Variants in EEF1AKMT1 observed in about 807,000 individuals in gnomAD.
The protein encoded by EEF1AKMT1 is EEF1A lysine methyltransferase 1.
A neutral mutation model predicts 21.0 loss-of-function variants in EEF1AKMT1; 18 were observed. The observed-to-expected ratio is 0.86, with a 90% CI of 0.59 to 1.27. The LOEUF (loss-of-function observed/expected upper bound fraction) is 1.27, where lower values mean the gene tolerates loss of function less well. Among genes scored for constraint, EEF1AKMT1 ranks in the 50% most tolerant of loss-of-function variants. The pLI is 0.00. For synonymous variants in EEF1AKMT1, 109 were observed against 94.8 expected (o/e 1.15, Z -0.87); for missense variants, 246 against 258.6 (o/e 0.95, Z 0.33).
At chr13:20,738,944 C>CT (rs2058847498) in intron 2 of EEF1AKMT1, among the ~76,000 whole-genome samples, 2 of 152,210 alleles carry the variant, frequency 1.3e-5, no homozygotes, top group South Asian at 4.1e-4. Flanking sequence ...CTTGGTCTCA[C>CT]TGACTTCAAG....
intron 4 of EEF1AKMT1, among the ~76,000 whole-genome samples, chr13:20,729,488 A>G (rs9509355): frequency 0.062 from 4,042 of 65,598 alleles, 76 homozygotes; most frequent in South Asian, 0.085. Context: ...AGCAGATTAT[A>G]CACACACACA....
chr13:20,764,917 A>ACC (rs1555327407), intron 1 of EEF1AKMT1, among the ~76,000 whole-genome samples: 17 of 146,394 alleles, frequency 1.2e-4, no homozygotes, highest in South Asian at 4.3e-4. Context: ...ACACACACAC[A>ACC]CCCTAATTTT....
At chr13:20,767,308 A>C (rs77463617) in intron 1 of EEF1AKMT1, among the ~76,000 whole-genome samples, 1 of 140,568 alleles carries the variant, frequency 7.1e-6, no homozygotes, top group South Asian at 2.2e-4. Flanking sequence ...TCTGTCTCAA[A>C]AAAAAAAAAA....
At chr13:20,738,509 G>A (rs922612669) in intron 2 of EEF1AKMT1, among the ~76,000 whole-genome samples, 9 of 152,148 alleles carry the variant, frequency 5.9e-5, no homozygotes, top group Admixed American at 2.0e-4. Flanking sequence ...TGGCAGGCTC[G>A]GGGCAGCCAG....
At chr13:20,746,441 G>A (rs1435685165) in intron 2 of EEF1AKMT1, among the ~76,000 whole-genome samples, 6 of 152,320 alleles carry the variant, frequency 3.9e-5, no homozygotes, top group Admixed American at 6.5e-5. Context: ...ATGAGGCACC[G>A]TGCCTGGCCA....
At chr13:20,765,848 T>C (rs1017417770) in intron 1 of EEF1AKMT1, among the ~76,000 whole-genome samples, 5 of 151,816 alleles carry the variant, frequency 3.3e-5, no homozygotes, top group African/African-American at 1.2e-4. Context: ...AAAGATGACA[T>C]ACAGATAATC....
At chr13:20,771,341 G>T (rs184856869) in intron 1 of EEF1AKMT1, among the ~76,000 whole-genome samples, 1 of 152,082 alleles carries the variant, frequency 6.6e-6, no homozygotes, top group Non-Finnish European at 1.5e-5. Context: ...TAAAATTGTC[G>T]CCTTTCATAG....
chr13:20,762,579 A>G (rs1434560658), intron 1 of EEF1AKMT1, among the ~76,000 whole-genome samples: 1 of 152,122 alleles, frequency 6.6e-6, no homozygotes, highest in Non-Finnish European at 1.5e-5. Context: ...ATCTTTCACC[A>G]TTAAATATGA....
chr13:20,763,538 C>T (rs897025808), intron 1 of EEF1AKMT1, among the ~76,000 whole-genome samples: 4 of 151,966 alleles, frequency 2.6e-5, no homozygotes, highest in Admixed American at 6.5e-5. Context: ...CGGCAACCTC[C>T]GCCTCCTGGG....
chr13:20,755,792 C>G (rs1242285305), intron 2 of EEF1AKMT1, among the ~76,000 whole-genome samples: 2 of 152,002 alleles, frequency 1.3e-5, no homozygotes, highest in African/African-American at 4.8e-5. Context: ...TATAATCAAA[C>G]CAAAGTTTCA....
intron 3 of EEF1AKMT1, 142 bp from the exon 4 acceptor site, chr13:20,732,263 A>C: frequency 1.2e-6 from 1 of 845,938 alleles, no homozygotes; most frequent in Non-Finnish European, 1.8e-6. Flanking sequence ...GTAATAGTTA[A>C]TGTTGAGAAA....
At chr13:20,766,298 C>CA (rs35866979) in intron 1 of EEF1AKMT1, among the ~76,000 whole-genome samples, 12,181 of 76,050 alleles carry the variant, frequency 0.16, 922 homozygotes, top group East Asian at 0.44. Flanking sequence ...GACTCCATCT[C>CA]AAAAAAAAAA....
intron 2 of EEF1AKMT1, among the ~76,000 whole-genome samples, chr13:20,753,043 A>G (rs1433284803): frequency 6.6e-6 from 1 of 151,826 alleles, no homozygotes; most frequent in East Asian, 1.9e-4. Flanking sequence ...ATTTATTTGA[A>G]ACCTTCCTAC....
chr13:20,732,253 G>A, intron 3 of EEF1AKMT1, 132 bp from the exon 4 acceptor site: 1 of 933,184 alleles, frequency 1.1e-6, no homozygotes, highest in Non-Finnish European at 1.6e-6. Flanking sequence ...GCAAACTAGT[G>A]TAATAGTTAA....
chr13:20,729,487 T>TGC (rs141509111), intron 4 of EEF1AKMT1, among the ~76,000 whole-genome samples: 3 of 150,582 alleles, frequency 2.0e-5, no homozygotes, highest in Non-Finnish European at 4.4e-5. Flanking sequence ...AAGCAGATTA[T>TGC]ACACACACAC....
chr13:20,738,755 T>C (rs2058844135), intron 2 of EEF1AKMT1, among the ~76,000 whole-genome samples: 1 of 152,224 alleles, frequency 6.6e-6, no homozygotes, highest in African/African-American at 2.4e-5. Flanking sequence ...TGTAATTCTG[T>C]TTATATGAAA....
chr13:20,773,529 G>T lies in EEF1AKMT1; in HGVS notation c.-20+392C>A, dbSNP rs191010648. Among the ~76,000 whole-genome samples the T allele has an allele frequency of 6.2e-3, 938 of 152,336 alleles. 7 individuals carry two copies. The highest frequency in any genetic ancestry group is 0.058 in the Middle Eastern group (17 of 294). Reference sequence around the variant, plus strand: ...CAAACTCCATCAGCGAACTTCTGAGGGCAAAGATGAAAAGGACAGCAGGCC... The same window carrying T: ...CAAACTCCATCAGCGAACTTCTGAGTGCAAAGATGAAAAGGACAGCAGGCC... On this transcript the variant is annotated intron_variant, in intron 1 of 4. Transcript: ENST00000382758.
intron 1 of EEF1AKMT1, among the ~76,000 whole-genome samples, chr13:20,767,369 T>G (rs1012214425): frequency 1.3e-5 from 2 of 149,422 alleles, no homozygotes; most frequent in Non-Finnish European, 3.0e-5. Flanking sequence ...TCTGCTTGAA[T>G]GACTTCGTTG....
At position 20,757,669 on chromosome 13, in the gene EEF1AKMT1, C is replaced by A. The variant is rs2141431872; in HGVS notation, c.-19-52G>T. The A allele has an allele frequency of 2.1e-6, 3 of 1,425,366 alleles. No homozygotes were observed. In the East Asian group the frequency reaches 7.2e-5, roughly 34 times the overall value. 88.3% of individuals were successfully genotyped at this position (1,425,366 alleles called of 1,614,324 possible). A position where few individuals can be genotyped will look rare whatever the true frequency, so the allele number is the denominator to read the frequency against. ...TGCAGATTTTGTTTCCCCTTCCCAGCCAGTAATAATTTTTAAAAATTTTTA... is the reference window on the plus strand; with the variant it reads ...TGCAGATTTTGTTTCCCCTTCCCAGACAGTAATAATTTTTAAAAATTTTTA... On this transcript the variant is annotated intron_variant, in intron 1 of 4. Transcript: ENST00000382758.
Sources: gnomAD v4.1 joint callset for allele counts (sites outside exome capture counted in the v4.1 genomes callset) on GRCh38, gnomAD v4.1.1 for gene constraint, MANE v1.5 for transcripts, NCBI Gene and HGNC (gene_info 2026-07-23, HGNC 2026-07-21) for gene names.